The following PELI2 variants were observed in gnomAD, a reference collection of about 807,000 sequenced individuals.
PELI2 encodes E3 ubiquitin-protein ligase pellino homolog 2.
A neutral mutation model predicts 42.3 loss-of-function variants in PELI2; 23 were observed. The ratio of observed to expected loss-of-function variants is 0.54; its 90% CI spans 0.39 to 0.77. PELI2 has a LOEUF of 0.77. Ranked by LOEUF, PELI2 falls within the 30% of genes least tolerant of loss-of-function variation. The pLI is 0.00. For synonymous variants in PELI2, 245 were observed against 212.2 expected, an observed-to-expected ratio of 1.15 and a Z score of -1.34; for missense variants, 463 against 553.2, an observed-to-expected ratio of 0.84 and a Z score of 1.64.
intron 2 of PELI2, among the ~76,000 whole-genome samples, chr14:56,259,755 T>C (rs1204720422): frequency 6.6e-6 from 1 of 152,166 alleles, no homozygotes; most frequent in Non-Finnish European, 1.5e-5. Context: ...AACGAGAAGC[T>C]ATTCACACTA....
intron 2 of PELI2, among the ~76,000 whole-genome samples, chr14:56,191,835 G>A (rs915433336): frequency 6.6e-6 from 1 of 152,102 alleles, no homozygotes; most frequent in Admixed American, 6.5e-5. Flanking sequence ...TTAAAGAAAA[G>A]ATTTTATTTT....
At chr14:56,160,690 A>G (rs932063496) in intron 1 of PELI2, among the ~76,000 whole-genome samples, 3 of 152,318 alleles carry the variant, frequency 2.0e-5, no homozygotes, top group East Asian at 3.9e-4. Flanking sequence ...CCTAGCAATG[A>G]CAGCCTCCAC....
At chr14:56,257,533 A>C (rs1392814163) in intron 2 of PELI2, among the ~76,000 whole-genome samples, 2 of 139,748 alleles carry the variant, frequency 1.4e-5, no homozygotes, top group South Asian at 4.9e-4. Flanking sequence ...ATATGTATCT[A>C]TGTATATATT....
chr14:56,176,236 T>G (rs546737518), intron 1 of PELI2, among the ~76,000 whole-genome samples: 2 of 152,356 alleles, frequency 1.3e-5, no homozygotes, highest in South Asian at 2.1e-4. Flanking sequence ...AAGCGTCTGC[T>G]GCACTCTTAC....
At chr14:56,201,627 T>C (rs185987936) in intron 2 of PELI2, among the ~76,000 whole-genome samples, 1 of 152,350 alleles carries the variant, frequency 6.6e-6, no homozygotes, top group East Asian at 1.9e-4. Flanking sequence ...CATTTCATTC[T>C]CATAGGCTCT....
Position 56,267,323 on chromosome 14 carries a change from T to G in PELI2, c.208-12353T>G, listed in dbSNP as rs142155383. ...ATCTGAGTTTTTGCAGCGAAACCCT[T>G]CAAGGTAGTTGTACTTTTCAGATTA... On this transcript the variant is annotated intron_variant, in intron 2 of 5. Transcript: ENST00000267460. 7.0e-4 allele frequency among the ~76,000 whole-genome samples: 107 copies of G among 152,226 alleles called. 1 individual carries two copies. The East Asian group carries it at 0.02, about 28-fold the overall frequency.
intron 2 of PELI2, among the ~76,000 whole-genome samples, chr14:56,221,246 G>T (rs1320413115): frequency 6.6e-6 from 1 of 152,190 alleles, no homozygotes; most frequent in Admixed American, 6.5e-5. Flanking sequence ...GTGTTGCTCA[G>T]TCCCTGAGAC....
rs547379275 is a variant in PELI2 at position 56,222,991 on chromosome 14, G to A, written c.207+44527G>A. 7.2e-5 allele frequency among the ~76,000 whole-genome samples: 11 copies of A among 152,276 alleles called. 1 individual carries two copies. The highest frequency in any genetic ancestry group is 1.3e-4 in the Admixed American group (2 of 15,298). ...ATACCTTGGCAAATGGTGAACAATC[G>A]AGGACATTATTTGAGAATTGGGAAG... On this transcript the variant is annotated intron_variant, in intron 2 of 5. Coordinates refer to ENST00000267460, the MANE Select transcript of PELI2 (RefSeq NM_021255.3).
chr14:56,242,814 T>C (rs1888022865), intron 2 of PELI2, among the ~76,000 whole-genome samples: 2 of 151,998 alleles, frequency 1.3e-5, no homozygotes, highest in Non-Finnish European at 2.9e-5. Context: ...AGGACCCAAA[T>C]GCATATGAAG....
chr14:56,213,928 T>G (rs1286373974), intron 2 of PELI2, among the ~76,000 whole-genome samples: 1 of 151,488 alleles, frequency 6.6e-6, no homozygotes, highest in African/African-American at 2.4e-5. Context: ...CTCGGCTCGC[T>G]GCAACCTCCG....
Position 56,195,871 on chromosome 14 carries a change from G to A in PELI2, c.207+17407G>A, listed in dbSNP as rs534761638. Among the ~76,000 whole-genome samples the A allele has an allele frequency of 1.1e-3, 175 of 152,318 alleles. 1 individual carries two copies. The highest frequency in any genetic ancestry group is 2.0e-3 in the Non-Finnish European group (134 of 68,016). The stretch of plus-strand genomic sequence containing the variant: ...CTGCACATGTGCGCAAGCCGTGATT[G>A]GCAGGTGTGGTTTCAGGCAGCATGT... On this transcript the variant is annotated intron_variant, in intron 2 of 5. Transcript: ENST00000267460.
intron 3 of PELI2, among the ~76,000 whole-genome samples, chr14:56,287,248 G>T (rs1020874616): frequency 6.6e-6 from 1 of 152,192 alleles, no homozygotes; most frequent in Non-Finnish European, 1.5e-5. Flanking sequence ...TGGAATAGAG[G>T]CTCAGGACAG....
chr14:56,278,120 C>T (rs1311314653), intron 2 of PELI2, among the ~76,000 whole-genome samples: 1 of 151,982 alleles, frequency 6.6e-6, no homozygotes, highest in Non-Finnish European at 1.5e-5. Context: ...TTATAGGAAA[C>T]CCTAAAATAA....
chr14:56,175,255 C>G (rs1885330062), intron 1 of PELI2, among the ~76,000 whole-genome samples: 1 of 152,200 alleles, frequency 6.6e-6, no homozygotes, highest in African/African-American at 2.4e-5. Context: ...CTCGGCCTCC[C>G]AAAGTGCTGG....
In PELI2 at chr14:56,197,997, CACACACACACA is replaced by C. The variant is rs1886194444; in HGVS notation, c.207+19534_207+19544del. Reference sequence around the variant, plus strand: ...ACACACACACACACACACACACACACACACACACACACACACCCACCTCTTTGGTCCACTTC... The same window carrying C: ...ACACACACACACACACACACACACACCACACCCACCTCTTTGGTCCACTTC... On this transcript the variant is annotated intron_variant, in intron 2 of 5. Transcript: ENST00000267460. This position sits in a 1 kb window ranked among gnomAD's most constrained non-coding sequence, Gnocchi z 4.9. Among the ~76,000 whole-genome samples the C allele has an allele frequency of 6.8e-6, 1 of 147,974 alleles. No individual in the cohort carries two copies. Among genetic ancestry groups the C allele is most frequent in the Non-Finnish European group, 1.5e-5 (1 of 67,224 alleles).
chr14:56,122,483 T>C (rs1883097152), intron 1 of PELI2, among the ~76,000 whole-genome samples: 1 of 152,188 alleles, frequency 6.6e-6, no homozygotes, highest in Non-Finnish European at 1.5e-5. Context: ...TGGATTCAAT[T>C]TGAAGCATGT....
intron 2 of PELI2, among the ~76,000 whole-genome samples, chr14:56,195,841 A>G (rs1467899473): frequency 6.6e-6 from 1 of 152,220 alleles, no homozygotes; most frequent in Non-Finnish European, 1.5e-5. Context: ...CCCCAGTCTC[A>G]GAGGCTGCAC....
At position 56,235,219 on chromosome 14, in the gene PELI2, T is replaced by TA. The variant is rs369833830; in HGVS notation, c.208-44447dup. ...TTAATATTCCTTTACTAGAACCACC[T>TA]AAAAAAAAAAGTTAATACTGTGGTG... On this transcript the variant is annotated intron_variant, in intron 2 of 5. Coordinates refer to ENST00000267460, the MANE Select transcript of PELI2 (RefSeq NM_021255.3). Among the ~76,000 whole-genome samples, 1,334 of 147,064 alleles carry TA rather than the reference T, an allele frequency of 9.1e-3. 27 individuals are homozygous for TA. Among genetic ancestry groups the TA allele is most frequent in the African/African-American group, 0.031 (1,261 of 40,240 alleles).
chr14:56,296,526 T>G, intron 5 of PELI2, 74 bp from the exon 6 acceptor site: 1 of 1,040,184 alleles, frequency 9.6e-7, no homozygotes. Flanking sequence ...TTTTGCTTGT[T>G]CTGAGAGGAA....
Sources: allele counts gnomAD v4.1 joint callset (sites outside exome capture counted in the v4.1 genomes callset), GRCh38; gene constraint gnomAD v4.1.1; non-coding constraint Gnocchi (gnomAD v3.1); transcripts MANE v1.5; gene names NCBI Gene and HGNC (gene_info 2026-07-23, HGNC 2026-07-21).